Variants in TDRD15 observed in about 807,000 individuals in gnomAD.
TDRD15 encodes tudor domain-containing protein 15.
For missense variants in TDRD15, 1,416 were observed against 904.7 expected, an observed-to-expected ratio of 1.57 and a Z score of -7.25; for synonymous variants, 503 against 314.5, an observed-to-expected ratio of 1.60 and a Z score of -6.34.
intron 1 of TDRD15, among the ~76,000 whole-genome samples, chr2:21,125,533 A>G (rs1665571724): frequency 6.6e-6 from 1 of 151,512 alleles, no homozygotes; most frequent in South Asian, 2.1e-4. Flanking sequence ...GTTAGTGTAG[A>G]CCAAAAGACA....
Position 21,140,378 on chromosome 2 carries a change from A to G in TDRD15, c.2911A>G (p.Ile971Val). ...IQIGSEEEVY[I>V]SHIYSPQKFY... is the part of the protein sequence containing the mutation. ...AATTGGAAGTGAAGAAGAAGTATAT[A>G]TATCTCACATATATAGTCCCCAAAA... is the stretch of plus-strand genomic sequence containing the variant. The change falls in exon 4 of 4, where the codon ATA becomes GTA. Residue 971 changes from isoleucine to valine, a missense_variant. By Grantham distance (29) the Ile-to-Val change is conservative (BLOSUM62 3). Coordinates refer to ENST00000405799, the MANE Select transcript of TDRD15 (RefSeq NM_001306137.2). 2 of 702,936 alleles carry G rather than the reference A, an allele frequency of 2.8e-6. No individual in the cohort carries two copies. Among genetic ancestry groups the G allele is most frequent in the South Asian group, 1.5e-5 (1 of 64,654 alleles). 43.5% of individuals were successfully genotyped at this position (702,936 alleles called of 1,614,324 possible).
chr2:21,135,979 C>A (rs1257960583), intron 3 of TDRD15, among the ~76,000 whole-genome samples: 3 of 151,964 alleles, frequency 2.0e-5, no homozygotes, highest in Admixed American at 2.0e-4. Context: ...TGAAGGAGAT[C>A]TTCTGGGTAC....
Position 21,138,526 on chromosome 2 carries a change from A to G in TDRD15, c.1059A>G (p.Pro353=), listed in dbSNP as rs1007447153. ...DFILVPLFSF[P]CSLTCLHSPD... ...TTTTAGTACCATTATTTTCATTTCC[A>G]TGTTCTCTGACATGTTTGCACAGTC... Residue 353 remains proline, a synonymous_variant, in exon 4 of 4, where the codon CCA becomes CCG. Transcript: ENST00000405799. 5 of 715,840 alleles carry G rather than the reference A, an allele frequency of 7.0e-6. No homozygotes were observed. Among genetic ancestry groups the G allele is most frequent in the Admixed American group, 2.0e-5 (1 of 49,856 alleles). 44.3% of individuals were successfully genotyped at this position (715,840 alleles called of 1,614,324 possible).
Position 21,140,187 on chromosome 2 carries a change from T to C in TDRD15, c.2720T>C (p.Ile907Thr). The C allele has an allele frequency of 1.4e-6, 1 of 715,538 alleles. No individual in the cohort carries two copies. Among genetic ancestry groups the C allele is most frequent in the Non-Finnish European group, 2.6e-6 (1 of 383,930 alleles). The allele number at this position is 715,538 out of a possible 1,614,324, so 44.3% of individuals were successfully genotyped here. Reference sequence around the variant, plus strand: ...ACTTGTATCATCTATGCCTTAGTTATTATACATCCAAACCATTTATATAAC... The same window carrying C: ...ACTTGTATCATCTATGCCTTAGTTACTATACATCCAAACCATTTATATAAC... ...LLTCIIYALV[I>T]IHPNHLYNLV... is the part of the protein sequence containing the mutation. Residue 907 changes from isoleucine (I) to threonine (T), a missense_variant, in exon 4 of 4, where the codon ATT becomes ACT. Coordinates refer to ENST00000405799, the MANE Select transcript of TDRD15 (RefSeq NM_001306137.2).
Position 21,142,279 on chromosome 2 carries a change from A to G in TDRD15, c.4812A>G (p.Lys1604=), listed in dbSNP as rs556555272. ...SKVEEKYVDD[K]VLVFLVDCGI... ...TAGAAGAAAAGTATGTTGATGATAA[A>G]GTACTTGTTTTTTTAGTAGATTGTG... The change falls in exon 4 of 4, where the codon AAA becomes AAG. Residue 1604 remains lysine, a synonymous_variant. Coordinates refer to ENST00000405799, the MANE Select transcript of TDRD15 (RefSeq NM_001306137.2). The G allele has an allele frequency of 3.9e-5, 27 of 691,832 alleles. No homozygotes were observed. The African/African-American group carries it at 4.5e-4, about 12-fold the overall frequency. The allele number at this position is 691,832 out of a possible 1,614,324, so 42.9% of individuals were successfully genotyped here.
chr2:21,137,892 A>G lies in TDRD15; in HGVS notation c.425A>G (p.Asn142Ser). ...GAAAAATGGTCCCCTAAAGCTTTGAATTATTTCAAGTCATTAGTAGGAATA... is the reference window on the plus strand; with the variant it reads ...GAAAAATGGTCCCCTAAAGCTTTGAGTTATTTCAAGTCATTAGTAGGAATA... Reference protein sequence around the residue: ...VGEKWSPKALNYFKSLVGIQV... With the variant: ...VGEKWSPKALSYFKSLVGIQV... Residue 142 changes from asparagine (N) to serine (S), a missense_variant, in exon 4 of 4, where the codon AAT becomes AGT. Asn to Ser is a conservative substitution (Grantham distance 46). Coordinates refer to ENST00000405799, the MANE Select transcript of TDRD15 (RefSeq NM_001306137.2). 4.2e-6 allele frequency: 3 copies of G among 716,168 alleles called. No homozygotes were observed. Among genetic ancestry groups the G allele is most frequent in the Non-Finnish European group, 7.8e-6 (3 of 384,352 alleles). The allele number at this position is 716,168 out of a possible 1,614,324, so 44.4% of individuals were successfully genotyped here. A position where few individuals can be genotyped will look rare whatever the true frequency, so the allele number is the denominator to read the frequency against.
chr2:21,134,053 G>T (rs1043063036), intron 2 of TDRD15, among the ~76,000 whole-genome samples: 1 of 151,842 alleles, frequency 6.6e-6, no homozygotes, highest in Non-Finnish European at 1.5e-5. Flanking sequence ...TGTGTTTCTA[G>T]TGGACTTTAC....
chr2:21,139,750 A>G lies in TDRD15; in HGVS notation c.2283A>G (p.Lys761=), dbSNP rs1442740649. 2.8e-6 allele frequency: 2 copies of G among 715,518 alleles called. No individual in the cohort carries two copies. Among genetic ancestry groups the G allele is most frequent in the Middle Eastern group, 2.3e-4 (1 of 4,340 alleles). The allele number at this position is 715,518 out of a possible 1,614,324, so 44.3% of individuals were successfully genotyped here. The change falls in exon 4 of 4, where the codon AAA becomes AAG. Residue 761 remains lysine, a synonymous_variant. Coordinates refer to ENST00000405799, the MANE Select transcript of TDRD15 (RefSeq NM_001306137.2). ...GACCAGGAACAGTTCTTGAAGTTAA[A>G]TGTTCCTGTTATTATGGCCCAGGTG... is the stretch of plus-strand genomic sequence containing the variant. ...IFRPGTVLEV[K]CSCYYGPGDF...
intron 1 of TDRD15, among the ~76,000 whole-genome samples, chr2:21,126,931 C>T (rs915904235): frequency 2.0e-5 from 3 of 152,150 alleles, no homozygotes; most frequent in African/African-American, 4.8e-5. Flanking sequence ...TTTTACAGTT[C>T]TTTCTGAAGT....
At position 21,144,227 on chromosome 2, in the gene TDRD15, C is replaced by T. The variant is rs1030482623; in HGVS notation, c.*955C>T. On this transcript the variant is annotated 3_prime_UTR_variant, in exon 4 of 4. Transcript: ENST00000405799. ...ATTGTTAAAATTTTAATATTTTATG[C>T]ACTACAGTATTGTCTGATTTTGTTT... 3.3e-5 allele frequency among the ~76,000 whole-genome samples: 5 copies of T among 151,688 alleles called. No homozygotes were observed. The highest frequency in any genetic ancestry group is 7.4e-5 in the Non-Finnish European group (5 of 67,762).
chr2:21,125,241 G>C (rs1665561431), intron 1 of TDRD15, among the ~76,000 whole-genome samples: 1 of 150,330 alleles, frequency 6.7e-6, no homozygotes, highest in South Asian at 2.2e-4. Context: ...CCCAATGCCA[G>C]GTTGTGTGTG....
chr2:21,126,188 A>G (rs1665587912), intron 1 of TDRD15, among the ~76,000 whole-genome samples: 1 of 152,008 alleles, frequency 6.6e-6, no homozygotes, highest in African/African-American at 2.4e-5. Flanking sequence ...CTTTGGTCCC[A>G]CTCGAACCTG....
chr2:21,124,083 T>A (rs1362053765), intron 1 of TDRD15, 37 bp downstream of exon 1: 1 of 152,410 alleles, frequency 6.6e-6, no homozygotes, highest in Non-Finnish European at 1.5e-5. Context: ...GTTAGCCTGC[T>A]CTAGGTACTA....
In TDRD15 at chr2:21,139,736, G is replaced by A. The variant is rs1287185043; in HGVS notation, c.2269G>A (p.Val757Ile). 3 of 715,446 alleles carry A rather than the reference G, an allele frequency of 4.2e-6. No homozygotes were observed. The highest frequency in any genetic ancestry group is 5.4e-5 in the East Asian group (2 of 37,268). 44.3% of individuals were successfully genotyped at this position (715,446 alleles called of 1,614,324 possible). The change falls in exon 4 of 4, where the codon GTT becomes ATT. Residue 757 changes from valine (V) to isoleucine (I), a missense_variant. Coordinates refer to ENST00000405799, the MANE Select transcript of TDRD15 (RefSeq NM_001306137.2). The stretch of plus-strand genomic sequence containing the variant: ...AGAATATATTTTTAGACCAGGAACA[G>A]TTCTTGAAGTTAAATGTTCCTGTTA... ...YKEYIFRPGT[V>I]LEVKCSCYYG...
intron 2 of TDRD15, among the ~76,000 whole-genome samples, chr2:21,132,966 A>G (rs993429084): frequency 3.9e-5 from 6 of 152,074 alleles, no homozygotes; most frequent in Admixed American, 2.0e-4. Context: ...CCCACTAGAT[A>G]TTGGTAGCAC....
Position 21,141,437 on chromosome 2 carries a change from C to A in TDRD15, c.3970C>A (p.Leu1324Ile). Residue 1324 changes from leucine to isoleucine, a missense_variant, in exon 4 of 4, where the codon CTT becomes ATT. Leu to Ile is a conservative substitution (Grantham distance 5, BLOSUM62 2). Transcript: ENST00000405799. ...TGAGAATGAAAGTGTAATTATCAGA[C>A]TTGCTGATGCTCTAAATGCAACAGC... ...LAENESVIIR[L>I]ADALNATARR... 1.4e-6 allele frequency: 1 copy of A among 712,644 alleles called. No homozygotes were observed. Among genetic ancestry groups the A allele is most frequent in the Non-Finnish European group, 2.6e-6 (1 of 382,922 alleles). 44.1% of individuals were successfully genotyped at this position (712,644 alleles called of 1,614,324 possible). A position where few individuals can be genotyped will look rare whatever the true frequency, so the allele number is the denominator to read the frequency against.
intron 2 of TDRD15, among the ~76,000 whole-genome samples, chr2:21,132,072 C>T (rs73920466): frequency 0.016 from 2,431 of 152,070 alleles, 67 homozygotes; most frequent in African/African-American, 0.056. Flanking sequence ...GAGGAAGTGA[C>T]GAAGCAAGCT....
chr2:21,137,692 A>G lies in TDRD15; in HGVS notation c.225A>G (p.Glu75=). 1 of 714,812 alleles carries G rather than the reference A, an allele frequency of 1.4e-6. No homozygotes were observed. The highest frequency in any genetic ancestry group is 2.0e-5 in the Admixed American group (1 of 49,662). The allele number at this position is 714,812 out of a possible 1,614,324, so 44.3% of individuals were successfully genotyped here. Residue 75 remains glutamate, a synonymous_variant, in exon 4 of 4, where the codon GAA becomes GAG. Coordinates refer to ENST00000405799, the MANE Select transcript of TDRD15 (RefSeq NM_001306137.2). ...FCLVEERVSG[E]WQRGRVMEKK... ...TGGTGGAAGAAAGAGTATCTGGAGA[A>G]TGGCAGAGAGGAAGAGTCATGGAAA...
Position 21,141,898 on chromosome 2 carries a change from G to T in TDRD15, c.4431G>T (p.Lys1477Asn). 1 of 715,440 alleles carries T rather than the reference G, an allele frequency of 1.4e-6. No homozygotes were observed. Among genetic ancestry groups the T allele is most frequent in the Non-Finnish European group, 2.6e-6 (1 of 383,664 alleles). The allele number at this position is 715,440 out of a possible 1,614,324, so 44.3% of individuals were successfully genotyped here. Residue 1477 changes from lysine (K) to asparagine (N), a missense_variant, in exon 4 of 4, where the codon AAG becomes AAT. Transcript: ENST00000405799. ...GGAAAGCATGTTCAAAACTGCAGAA[G>T]TCAGCATTGCAGATGCCTCAGGTTC... ...LKWKACSKLQ[K>N]SALQMPQVLS...
Sources: allele counts gnomAD v4.1 joint callset (sites outside exome capture counted in the v4.1 genomes callset), GRCh38; gene constraint gnomAD v4.1.1; transcripts MANE v1.5; gene names NCBI Gene and HGNC (gene_info 2026-07-23, HGNC 2026-07-21).